Variants in AGMO observed in about 807,000 individuals in gnomAD.
AGMO encodes alkylglycerol monooxygenase, also known as glyceryl-ether monooxygenase.
AGMO carries 75 observed loss-of-function variants against 60.2 expected under a neutral mutation model. The observed-to-expected ratio is 1.25, with a 90% CI of 1.03 to 1.51. AGMO has a LOEUF of 1.51. Among genes scored for constraint, AGMO ranks in the 40% most tolerant of loss-of-function variants. The pLI, the probability that AGMO is intolerant of heterozygous loss-of-function variation, is 0.00. For synonymous variants in AGMO, 261 were observed against 177.1 expected (o/e 1.47, Z -3.76); for missense variants, 763 against 525.5 (o/e 1.45, Z -4.42).
chr7:15,395,128 G>C (rs1225942899), intron 5 of AGMO, among the ~76,000 whole-genome samples: 1 of 152,112 alleles, frequency 6.6e-6, no homozygotes, highest in Non-Finnish European at 1.5e-5. Flanking sequence ...AATCTAAACT[G>C]ATTTGTTAGA....
chr7:15,270,596 A>ATTTTTTTTTT lies in AGMO; in HGVS notation c.1264-69247_1264-69238dup, dbSNP rs527463907. Among the ~76,000 whole-genome samples the ATTTTTTTTTT allele has an allele frequency of 1.0e-3, 50 of 48,040 alleles. 1 individual carries two copies. Among genetic ancestry groups the ATTTTTTTTTT allele is most frequent in the Admixed American group, 1.9e-3 (7 of 3,736 alleles). 31.5% of individuals were successfully genotyped at this position (48,040 alleles called of 152,430 possible). A position where few individuals can be genotyped will look rare whatever the true frequency, so the allele number is the denominator to read the frequency against. On this transcript the variant is annotated intron_variant, in intron 12 of 12. Transcript: ENST00000342526. ...ATTAAACAAATTTAATCTGTTGATA[A>ATTTTTTTTTT]TTTTTTTTTTTTTTTTTTTTTTTTT...
At chr7:15,123,748 AAG>A in the AGMO span, among the ~76,000 whole-genome samples, 6 of 152,102 alleles carry the variant, frequency 3.9e-5, no homozygotes, top group South Asian at 1.0e-3. Flanking sequence ...TATTAAAAAA[AAG>A]AGAAATTAGC....
At chr7:15,117,295 A>C in the AGMO span, among the ~76,000 whole-genome samples, 1 of 152,162 alleles carries the variant, frequency 6.6e-6, no homozygotes, top group Non-Finnish European at 1.5e-5. Flanking sequence ...AATAACTGCA[A>C]AGGAACAAGA....
At chr7:15,354,539 T>G (rs1462914365) in intron 12 of AGMO, among the ~76,000 whole-genome samples, 6 of 87,058 alleles carry the variant, frequency 6.9e-5, no homozygotes, top group South Asian at 4.2e-4. Context: ...TATATATATA[T>G]AGCTCCCCTC....
intron 12 of AGMO, among the ~76,000 whole-genome samples, chr7:15,354,013 A>G (rs1782355339): frequency 6.6e-6 from 1 of 152,134 alleles, no homozygotes; most frequent in Admixed American, 6.5e-5. Flanking sequence ...CTGTGTCAAA[A>G]CTAGTCTTTT....
chr7:15,287,220 T>C (rs73284541), intron 12 of AGMO, among the ~76,000 whole-genome samples: 26 of 152,224 alleles, frequency 1.7e-4, no homozygotes, highest in East Asian at 7.7e-4. Flanking sequence ...CCCAAAGCTA[T>C]TGAAATAAAA....
At chr7:15,354,407 CACACGTGTGTGTAT>C (rs1782404101) in intron 12 of AGMO, among the ~76,000 whole-genome samples, 1 of 19,262 alleles carries the variant, frequency 5.2e-5, no homozygotes, top group South Asian at 3.4e-3. Context: ...CGTGTGTGTA[CACACGTGTGTGTAT>C]ACACACACGT....
chr7:15,172,579 C>T, the AGMO span, among the ~76,000 whole-genome samples: 1 of 152,110 alleles, frequency 6.6e-6, no homozygotes, highest in African/African-American at 2.4e-5. Flanking sequence ...TTCCCTAAGA[C>T]TTTGGTGGTT....
chr7:15,198,217 G>GAGAGAGAGAGAC, downstream of AGMO, among the ~76,000 whole-genome samples: 1 of 99,112 alleles, frequency 1.0e-5, no homozygotes, highest in East Asian at 2.3e-4. Context: ...GAGAGAGAGA[G>GAGAGAGAGAGAC]AGAGAGAGAG....
intron 10 of AGMO, among the ~76,000 whole-genome samples, chr7:15,378,802 C>A (rs1220626559): frequency 1.3e-5 from 2 of 151,940 alleles, no homozygotes; most frequent in African/African-American, 4.8e-5. Flanking sequence ...TAAAATCCAA[C>A]AGAATTTACA....
chr7:15,159,708 C>T, the AGMO span, among the ~76,000 whole-genome samples: 1 of 152,110 alleles, frequency 6.6e-6, no homozygotes, highest in Non-Finnish European at 1.5e-5. Flanking sequence ...ATAATACTTT[C>T]AAAGATATTC....
At chr7:15,246,550 T>C (rs1326750796) in intron 12 of AGMO, among the ~76,000 whole-genome samples, 1 of 152,206 alleles carries the variant, frequency 6.6e-6, no homozygotes, top group Non-Finnish European at 1.5e-5. Context: ...CAAATTCTTG[T>C]AGCCCCAAAT....
At chr7:15,159,966 C>A in the AGMO span, among the ~76,000 whole-genome samples, 1 of 152,144 alleles carries the variant, frequency 6.6e-6, no homozygotes, top group African/African-American at 2.4e-5. Context: ...GCCTACTGGG[C>A]ACTGGAAGCT....
At chr7:15,209,197 TAAAG>T (rs1328643674) in intron 12 of AGMO, among the ~76,000 whole-genome samples, 2 of 152,166 alleles carry the variant, frequency 1.3e-5, no homozygotes, top group Admixed American at 6.6e-5. Flanking sequence ...CTGACATAAA[TAAAG>T]AGTCTAAGGC....
chr7:15,325,127 T>C (rs895160637), intron 12 of AGMO, among the ~76,000 whole-genome samples: 1 of 152,208 alleles, frequency 6.6e-6, no homozygotes, highest in African/African-American at 2.4e-5. Flanking sequence ...ACTTTGTTTA[T>C]TATACCTGAT....
chr7:15,395,316 G>A (rs937302462), intron 5 of AGMO, among the ~76,000 whole-genome samples: 1 of 151,990 alleles, frequency 6.6e-6, no homozygotes, highest in South Asian at 2.1e-4. Context: ...TCAGTGTCAC[G>A]GGAAGAAATA....
intron 2 of AGMO, among the ~76,000 whole-genome samples, chr7:15,547,462 A>C (rs1583673752): frequency 6.6e-6 from 1 of 151,982 alleles, no homozygotes; most frequent in African/African-American, 2.4e-5. Context: ...GGGTGCGCGC[A>C]CCGTGCGCGA....
At chr7:15,378,337 T>C (rs1783535150) in intron 10 of AGMO, among the ~76,000 whole-genome samples, 1 of 152,094 alleles carries the variant, frequency 6.6e-6, no homozygotes. Context: ...ACAACACCAA[T>C]CATTAAAGTT....
intron 12 of AGMO, among the ~76,000 whole-genome samples, chr7:15,296,079 A>C (rs912690527): frequency 1.1e-4 from 16 of 152,316 alleles, no homozygotes; most frequent in African/African-American, 3.8e-4. Context: ...AGAAAATAAA[A>C]TATGTAGAAA....
Sources: allele counts gnomAD v4.1 joint callset (sites outside exome capture counted in the v4.1 genomes callset), GRCh38; gene constraint gnomAD v4.1.1; transcripts MANE v1.5; gene names NCBI Gene and HGNC (gene_info 2026-07-23, HGNC 2026-07-21).